The following EHD3 variants were observed in gnomAD, a reference collection of about 807,000 sequenced individuals.
EHD3 encodes EH domain-containing protein 3.
A neutral mutation model predicts 43.0 loss-of-function variants in EHD3; 17 were observed. That is an observed-to-expected ratio of 0.40 (90% CI 0.27 to 0.59). The LOEUF is 0.59. Ranked by LOEUF, EHD3 falls within the 20% of genes least tolerant of loss-of-function variation. The pLI is 0.49. For synonymous variants in EHD3, 313 were observed against 289.5 expected (o/e 1.08, Z -0.82); for missense variants, 594 against 705.6 (o/e 0.84, Z 1.79).
chr2:31,247,267 A>C (rs1683545859), intron 2 of EHD3, among the ~76,000 whole-genome samples: 1 of 151,870 alleles, frequency 6.6e-6, no homozygotes, highest in African/African-American at 2.4e-5. Context: ...TTCCTATTTC[A>C]TTTTATGCCT....
chr2:31,259,199 C>T lies in EHD3; in HGVS notation c.503-1311C>T, dbSNP rs113164347. 7.8e-3 allele frequency among the ~76,000 whole-genome samples: 1,190 copies of T among 152,180 alleles called. 27 individuals are homozygous for T. The highest frequency in any genetic ancestry group is 0.025 in the African/African-American group (1,042 of 41,516). ...CTACCTTGGTGCCAGAGGTATGCCA[C>T]GGGGGAGTGGCAGGAGGAGAGGCTG... On this transcript the variant is annotated intron_variant, in intron 3 of 5. Coordinates refer to ENST00000322054, the MANE Select transcript of EHD3 (RefSeq NM_014600.3).
intron 5 of EHD3, among the ~76,000 whole-genome samples, chr2:31,262,912 C>T (rs941253225): frequency 6.6e-6 from 1 of 151,944 alleles, no homozygotes; most frequent in African/African-American, 2.4e-5. Flanking sequence ...AAGACTCCAT[C>T]TCAAAAAATA....
chr2:31,245,642 A>C (rs935120781), intron 2 of EHD3, among the ~76,000 whole-genome samples: 2 of 146,046 alleles, frequency 1.4e-5, no homozygotes, highest in African/African-American at 5.1e-5. Context: ...GCTCATCGCA[A>C]ACTCTGCCTC....
intron 1 of EHD3, among the ~76,000 whole-genome samples, chr2:31,236,765 C>T (rs988237383): frequency 1.3e-5 from 2 of 152,310 alleles, no homozygotes; most frequent in South Asian, 2.1e-4. Context: ...CCCAGGGTCT[C>T]GGCTATAGGA....
rs267599345 is a variant in EHD3 at position 31,266,688 on chromosome 2, G to A, written c.1592G>A (p.Arg531Lys). ...LPAHLLPPSK[R>K]KVAE is the part of the protein sequence containing the mutation. ...GCCCACCTCCTGCCCCCGTCCAAGA[G>A]GAAAGTTGCCGAGTGATGGGGTGGG... is the stretch of plus-strand genomic sequence containing the variant. Residue 531 changes from arginine (R) to lysine (K), a missense_variant, in exon 6 of 6, where the codon AGG becomes AAG. This residue lies in a region of EHD3 where 322 missense variants were observed against 348.0 expected (regional missense o/e 0.93). Transcript: ENST00000322054. The surrounding 1 kb of genome is among the most constrained non-coding windows in gnomAD (Gnocchi z 5.1). The A allele has an allele frequency of 6.2e-7, 1 of 1,605,290 alleles. No individual in the cohort carries two copies. Among genetic ancestry groups the A allele is most frequent in the African/African-American group, 1.3e-5 (1 of 74,852 alleles).
chr2:31,257,779 C>T (rs193068569), intron 3 of EHD3, among the ~76,000 whole-genome samples: 1 of 152,232 alleles, frequency 6.6e-6, no homozygotes, highest in African/African-American at 2.4e-5. Context: ...TGATGATGCC[C>T]CTGCCCACTG....
chr2:31,261,740 A>T, intron 5 of EHD3, 27 bp downstream of exon 5: 2 of 1,611,428 alleles, frequency 1.2e-6, no homozygotes, highest in Non-Finnish European at 1.7e-6. Context: ...TCTCTAAGAC[A>T]AGGGACAGTG....
At chr2:31,259,852 C>T (rs759990918) in intron 3 of EHD3, among the ~76,000 whole-genome samples, 5 of 152,118 alleles carry the variant, frequency 3.3e-5, no homozygotes, top group Non-Finnish European at 5.9e-5. Context: ...ATACAGTAAG[C>T]ACGGATAGGG....
intron 1 of EHD3, 94 bp downstream of exon 1, chr2:31,234,942 T>C: frequency 8.2e-7 from 1 of 1,213,794 alleles, no homozygotes. Flanking sequence ...AGGGGACCAA[T>C]GGGAAGCCTT....
At chr2:31,257,839 A>G (rs556083598) in intron 3 of EHD3, among the ~76,000 whole-genome samples, 2 of 152,208 alleles carry the variant, frequency 1.3e-5, no homozygotes, top group East Asian at 3.9e-4. Context: ...CTGAGCCGAG[A>G]CAGGACACCT....
chr2:31,253,742 T>C (rs975252423), intron 3 of EHD3, among the ~76,000 whole-genome samples: 4 of 151,982 alleles, frequency 2.6e-5, no homozygotes, highest in Non-Finnish European at 5.9e-5. Flanking sequence ...GTGTGTCTTG[T>C]GGGAAGAAGG....
intron 2 of EHD3, among the ~76,000 whole-genome samples, 166 bp from the exon 3 acceptor site, chr2:31,249,205 G>A (rs1295887475): frequency 5.3e-5 from 8 of 152,180 alleles, no homozygotes; most frequent in South Asian, 2.1e-4. Flanking sequence ...GTTCAGCCCC[G>A]GGTCAGCTGT....
At chr2:31,242,820 C>T (rs180901312) in intron 1 of EHD3, among the ~76,000 whole-genome samples, 19 of 151,986 alleles carry the variant, frequency 1.3e-4, no homozygotes, top group Non-Finnish European at 1.8e-4. Context: ...ATTAGCCGGG[C>T]GTGGTGGCGG....
intron 5 of EHD3, 40 bp downstream of exon 5, chr2:31,261,753 C>A (rs1320876918): frequency 6.2e-7 from 1 of 1,603,330 alleles, no homozygotes; most frequent in East Asian, 2.2e-5. Context: ...GGACAGTGTC[C>A]CGAGAGCTGG....
intron 3 of EHD3, among the ~76,000 whole-genome samples, chr2:31,252,774 T>C (rs936381453): frequency 5.3e-5 from 8 of 152,210 alleles, no homozygotes; most frequent in African/African-American, 1.2e-4. Context: ...CCATCCCACA[T>C]TGACTAAGCA....
intron 2 of EHD3, among the ~76,000 whole-genome samples, chr2:31,248,118 A>T (rs796500804): frequency 3.9e-5 from 6 of 152,250 alleles, no homozygotes; most frequent in African/African-American, 1.4e-4. Flanking sequence ...GCTGCACCTT[A>T]GATTTGTCCG....
chr2:31,245,547 ATATATATTTTTTT>A (rs1283836072), intron 2 of EHD3, among the ~76,000 whole-genome samples: 4 of 83,144 alleles, frequency 4.8e-5, no homozygotes, highest in African/African-American at 2.5e-4. Flanking sequence ...ATATATATAT[ATATATATTTTTTT>A]TTTTTTTTTT....
chr2:31,234,465 C>T lies in EHD3; in HGVS notation c.-157C>T. ...GAGCAGGGAGAGTGCGCTCCCGGCC[C>T]TCCTAGCCGCGTGCCCGGGCCATGG... On this transcript the variant is annotated 5_prime_UTR_variant, in exon 1 of 6. Transcript: ENST00000322054. 5.1e-6 allele frequency: 4 copies of T among 781,844 alleles called. No homozygotes were observed. The highest frequency in any genetic ancestry group is 8.0e-6 in the Non-Finnish European group (4 of 499,254). 48.4% of individuals were successfully genotyped at this position (781,844 alleles called of 1,614,324 possible). A position where few individuals can be genotyped will look rare whatever the true frequency, so the allele number is the denominator to read the frequency against.
Position 31,266,282 on chromosome 2 carries a change from C to G in EHD3, c.1186C>G (p.Leu396Val). 6.2e-7 allele frequency: 1 copy of G among 1,614,214 alleles called. No homozygotes were observed. Among genetic ancestry groups the G allele is most frequent in the Non-Finnish European group, 8.5e-7 (1 of 1,180,040 alleles). ...LAHDIAQLMV[L>V]VRQEESQRPI... ...CCATGACATTGCCCAGCTCATGGTG[C>G]TAGTGCGCCAGGAGGAGTCACAGCG... The change falls in exon 6 of 6, where the codon CTA (leucine) becomes GTA (valine). Residue 396 changes from leucine to valine, a missense_variant. Transcript: ENST00000322054. This position sits in a 1 kb window ranked among gnomAD's most constrained non-coding sequence, Gnocchi z 5.1.
Sources: allele counts gnomAD v4.1 joint callset (sites outside exome capture counted in the v4.1 genomes callset), GRCh38; gene constraint gnomAD v4.1.1; regional missense constraint gnomAD v4.1.1; non-coding constraint Gnocchi (gnomAD v3.1); transcripts MANE v1.5; gene names NCBI Gene and HGNC (gene_info 2026-07-23, HGNC 2026-07-21).